The following ZNF354C variants were observed in gnomAD, a reference collection of about 807,000 sequenced individuals.
The protein encoded by ZNF354C is zinc finger protein 354C.
ZNF354C carries 7 observed loss-of-function variants against 12.4 expected under a neutral mutation model. The ratio of observed to expected loss-of-function variants is 0.56; its 90% CI spans 0.32 to 1.06. The LOEUF (loss-of-function observed/expected upper bound fraction) is 1.06, where lower values mean the gene tolerates loss of function less well. Ranked by LOEUF, ZNF354C falls within the 50% of genes least tolerant of loss-of-function variation. The pLI is 0.04. For synonymous variants in ZNF354C, 202 were observed against 224.5 expected, an observed-to-expected ratio of 0.90 and a Z score of 0.90; for missense variants, 609 against 658.0, an observed-to-expected ratio of 0.93 and a Z score of 0.81.
rs750698625 is a variant in ZNF354C at position 179,079,325 on chromosome 5, A to C, written c.893A>C (p.Lys298Thr). ...CATCTGAGAGTGCATACTGGAGAGA[A>C]ACCGTATCGATGTAGGGAATGTGGT... ...IKHLRVHTGEKPYRCRECGKA... is the reference protein window; with the variant it reads ...IKHLRVHTGETPYRCRECGKA... Residue 298 changes from lysine (K) to threonine (T), a missense_variant, in exon 5 of 5, where the codon AAA becomes ACA. By Grantham distance (78) the Lys-to-Thr change is moderately conservative. Transcript: ENST00000315475. This position sits in a 1 kb window ranked among gnomAD's most constrained non-coding sequence, Gnocchi z 4.2. The C allele has an allele frequency of 1.9e-6, 3 of 1,614,078 alleles. No homozygotes were observed. In the East Asian group the frequency reaches 6.7e-5, roughly 36 times the overall value.
chr5:179,076,690 G>A (rs1366250995), intron 3 of ZNF354C, 119 bp downstream of exon 3: 3 of 1,312,782 alleles, frequency 2.3e-6, no homozygotes, highest in South Asian at 2.8e-5. Flanking sequence ...CTGAATTGCT[G>A]TAGAGTGGAA....
Position 179,078,800 on chromosome 5 carries a change from A to C in ZNF354C, c.368A>C (p.Asn123Thr), listed in dbSNP as rs1292392079. 6.2e-7 allele frequency: 1 copy of C among 1,614,118 alleles called. No individual in the cohort carries two copies. Among genetic ancestry groups the C allele is most frequent in the Non-Finnish European group, 8.5e-7 (1 of 1,179,998 alleles). ...ATTAAGGATGGTCACTGGGACATTA[A>C]CTTTGAAGAAGCTGTGGAATTTGAG... Reference protein sequence around the residue: ...ESIKDGHWDINFEEAVEFESE... With the variant: ...ESIKDGHWDITFEEAVEFESE... The change falls in exon 5 of 5, where the codon AAC becomes ACC. Residue 123 changes from asparagine to threonine, a missense_variant. Coordinates refer to ENST00000315475, the MANE Select transcript of ZNF354C (RefSeq NM_014594.3).
intron 2 of ZNF354C, among the ~76,000 whole-genome samples, chr5:179,073,154 C>CA (rs1274652250): frequency 1.4e-4 from 21 of 151,652 alleles, no homozygotes; most frequent in Non-Finnish European, 2.2e-4. Context: ...AAGAGAGAGA[C>CA]AAAAAAAATC....
intron 2 of ZNF354C, among the ~76,000 whole-genome samples, chr5:179,063,146 G>C (rs551990153): frequency 2.6e-4 from 39 of 152,302 alleles, no homozygotes; most frequent in Admixed American, 7.8e-4. Flanking sequence ...TGACTTCATG[G>C]CTTCAAATCC....
chr5:179,074,642 A>G (rs1008563110), intron 2 of ZNF354C, among the ~76,000 whole-genome samples: 3 of 152,184 alleles, frequency 2.0e-5, no homozygotes, highest in Non-Finnish European at 2.9e-5. Flanking sequence ...GAGACAGCAC[A>G]TGGAGTGTCT....
intron 2 of ZNF354C, among the ~76,000 whole-genome samples, chr5:179,069,839 C>G (rs1044908695): frequency 1.3e-5 from 2 of 152,168 alleles, no homozygotes; most frequent in African/African-American, 4.8e-5. Context: ...GCACTCCAGC[C>G]TGGGCGACAG....
chr5:179,076,405 A>T (rs748766524), intron 2 of ZNF354C, 40 bp from the exon 3 acceptor site: 3 of 1,612,124 alleles, frequency 1.9e-6, no homozygotes, highest in Admixed American at 1.7e-5. Flanking sequence ...CCGTTGAAGA[A>T]GATGGTCCTG....
chr5:179,070,040 A>C (rs1298185784), intron 2 of ZNF354C, among the ~76,000 whole-genome samples: 1 of 152,182 alleles, frequency 6.6e-6, no homozygotes, highest in Non-Finnish European at 1.5e-5. Context: ...GACCGGTACC[A>C]GCTCCTGGTC....
At position 179,072,255 on chromosome 5, in the gene ZNF354C, T is replaced by C. The variant is rs1762062157; in HGVS notation, c.28-4190T>C. Among the ~76,000 whole-genome samples the C allele has an allele frequency of 2.6e-5, 4 of 151,754 alleles. No homozygotes were observed. In the South Asian group the frequency reaches 8.3e-4, roughly 32 times the overall value. On this transcript the variant is annotated intron_variant, in intron 2 of 4. Transcript: ENST00000315475. ...TTGTGAAAAAAGTAATTCTAGACTA[T>C]GAAGTTTTAGAACTGAAAAATAAGA...
rs1180430968 is a variant in ZNF354C at position 179,078,844 on chromosome 5, C to G, written c.412C>G (p.Gln138Glu). ...ATTTGAGAGCGAGATAGAAGAAGAG[C>G]AAGAGAAGAAACCTCTTAGACAAAT... ...VEFESEIEEE[Q>E]EKKPLRQMID... is the part of the protein sequence containing the mutation. Residue 138 changes from glutamine (Q) to glutamate (E), a missense_variant, in exon 5 of 5, where the codon CAA (glutamine) becomes GAA (glutamate). Gln to Glu is a conservative substitution (Grantham distance 29). Coordinates refer to ENST00000315475, the MANE Select transcript of ZNF354C (RefSeq NM_014594.3). 4 of 1,613,914 alleles carry G rather than the reference C, an allele frequency of 2.5e-6. No homozygotes were observed. Among genetic ancestry groups the G allele is most frequent in the Non-Finnish European group, 3.4e-6 (4 of 1,180,000 alleles).
intron 2 of ZNF354C, among the ~76,000 whole-genome samples, chr5:179,071,488 A>G (rs1454157635): frequency 6.6e-6 from 1 of 151,716 alleles, no homozygotes; most frequent in East Asian, 1.9e-4. Context: ...TAACTACTAC[A>G]CTCTGGATAA....
intron 2 of ZNF354C, among the ~76,000 whole-genome samples, chr5:179,066,888 CT>C (rs1761964122): frequency 6.6e-6 from 1 of 152,136 alleles, no homozygotes; most frequent in South Asian, 2.1e-4. Flanking sequence ...TTGAGATGTG[CT>C]GCTAATTTTG....
At chr5:179,075,125 G>C (rs1025300442) in intron 2 of ZNF354C, among the ~76,000 whole-genome samples, 4 of 152,042 alleles carry the variant, frequency 2.6e-5, no homozygotes, top group African/African-American at 7.2e-5. Flanking sequence ...CGGGTGTGGT[G>C]GTGGGCGCCT....
At position 179,060,431 on chromosome 5, in the gene ZNF354C, T is replaced by G. The variant is rs1761871194; in HGVS notation, c.-290T>G. 6.6e-6 allele frequency: 1 copy of G among 152,388 alleles called. No individual in the cohort carries two copies. The highest frequency in any genetic ancestry group is 2.4e-5 in the African/African-American group (1 of 41,466). The allele number at this position is 152,388 out of a possible 1,614,324, so 9.4% of individuals were successfully genotyped here. A position where few individuals can be genotyped will look rare whatever the true frequency, so the allele number is the denominator to read the frequency against. ...GCTCGCGGCCTTTCGGGGGTTCTCC[T>G]GGCTTGGGCCATCCAGGCTTGGCTA... On this transcript the variant is annotated 5_prime_UTR_variant, in exon 1 of 5. Transcript: ENST00000315475. This position sits in a 1 kb window ranked among gnomAD's most constrained non-coding sequence, Gnocchi z 4.2.
intron 2 of ZNF354C, among the ~76,000 whole-genome samples, chr5:179,062,991 T>G (rs1761914670): frequency 6.6e-6 from 1 of 152,196 alleles, no homozygotes; most frequent in Admixed American, 6.5e-5. Context: ...CATTCCGACG[T>G]GGAAGTCCCA....
intron 2 of ZNF354C, among the ~76,000 whole-genome samples, chr5:179,068,412 G>A (rs1215214052): frequency 2.0e-5 from 3 of 152,164 alleles, no homozygotes; most frequent in African/African-American, 7.2e-5. Context: ...AAAGAACACG[G>A]TGTGTGTAAT....
intron 2 of ZNF354C, among the ~76,000 whole-genome samples, chr5:179,073,906 C>T (rs1314582758): frequency 6.6e-6 from 1 of 152,076 alleles, no homozygotes. Flanking sequence ...GTCCACCCAC[C>T]TTGGCCTACC....
In ZNF354C at chr5:179,077,158, C is replaced by T. The variant is rs1423652885; in HGVS notation, c.242C>T (p.Thr81Ile). Residue 81 changes from threonine to isoleucine, a missense_variant, in exon 4 of 5, where the codon ACC (threonine) becomes ATC (isoleucine). Physicochemically the swap from Thr to Ile is moderately conservative, Grantham distance 89. Transcript: ENST00000315475. ...CMVEREVPSDTRLGFKTWLET... is the reference protein window; with the variant it reads ...CMVEREVPSDIRLGFKTWLET... ...GTGGAAAGAGAAGTCCCTTCAGATA[C>T]CCGTCTAGGTAAGTGAGAGGCTGGG... 5 of 1,613,850 alleles carry T rather than the reference C, an allele frequency of 3.1e-6. No individual in the cohort carries two copies. The highest frequency in any genetic ancestry group is 3.4e-6 in the Non-Finnish European group (4 of 1,179,768).
intron 2 of ZNF354C, among the ~76,000 whole-genome samples, chr5:179,062,472 T>G (rs1040001851): frequency 1.3e-5 from 2 of 152,096 alleles, no homozygotes; most frequent in African/African-American, 2.4e-5. Flanking sequence ...CCACAAGCAT[T>G]TATTGAGCCC....
Sources: allele counts gnomAD v4.1 joint callset (sites outside exome capture counted in the v4.1 genomes callset), GRCh38; gene constraint gnomAD v4.1.1; non-coding constraint Gnocchi (gnomAD v3.1); transcripts MANE v1.5; gene names NCBI Gene and HGNC (gene_info 2026-07-23, HGNC 2026-07-21).